The following ZNF23 variants were observed in gnomAD, a reference collection of about 807,000 sequenced individuals.
ZNF23 encodes zinc finger protein 23, also known as kruppel-like zinc finger factor X31.
In ZNF23, 48 loss-of-function variants were observed where a neutral mutation model predicts 56.2. The observed-to-expected ratio is 0.85, with a 90% confidence interval of 0.68 to 1.09. ZNF23 has a LOEUF of 1.09. Among genes scored for constraint, ZNF23 ranks in the 50% least tolerant of loss-of-function variants. The pLI, the probability that ZNF23 is intolerant of heterozygous loss-of-function variation, is 0.00. For missense variants in ZNF23, 805 were observed against 811.4 expected (o/e 0.99, Z 0.10); for synonymous variants, 266 against 283.3 (o/e 0.94, Z 0.61).
intron 1 of ZNF23, among the ~76,000 whole-genome samples, chr16:71,458,652 CAAG>C (rs769527369): frequency 1.8e-4 from 27 of 152,158 alleles, no homozygotes; most frequent in Non-Finnish European, 3.2e-4. Flanking sequence ...GATGCCTTTA[CAAG>C]AAGAAGGAGA....
chr16:71,459,978 G>A (rs1032819283), intron 1 of ZNF23, among the ~76,000 whole-genome samples: 4 of 152,244 alleles, frequency 2.6e-5, no homozygotes, highest in Admixed American at 1.3e-4. Flanking sequence ...TAGCTACCCC[G>A]CTCAGCTAGT....
At chr16:71,452,516 T>C (rs1028379951) in intron 4 of ZNF23, 5 of 152,160 alleles carry the variant, frequency 3.3e-5, no homozygotes, top group African/African-American at 1.2e-4. Flanking sequence ...TTCATAGAAA[T>C]GCAGACTCCA....
chr16:71,461,677 C>T (rs2043462936), intron 1 of ZNF23: 1 of 152,198 alleles, frequency 6.6e-6, no homozygotes, highest in Non-Finnish European at 1.5e-5. Flanking sequence ...ACTGACACTG[C>T]TCCAGGAGAC....
At chr16:71,458,717 C>CAACG (rs1461185745) in intron 1 of ZNF23, among the ~76,000 whole-genome samples, 1 of 152,324 alleles carries the variant, frequency 6.6e-6, no homozygotes, top group Middle Eastern at 3.4e-3. Context: ...TGTGAGGACA[C>CAACG]AACGAGAGGG....
rs1415879520 is a variant in ZNF23, at chr16:71,447,687, G to A, written c.*406C>T. 6.4e-6 allele frequency: 1 copy of A among 155,168 alleles called. No homozygotes were observed. Among genetic ancestry groups the A allele is most frequent in the Non-Finnish European group, 1.4e-5 (1 of 70,280 alleles). The allele number at this position is 155,168 out of a possible 1,614,324, so 9.6% of individuals were successfully genotyped here. ...AAATTAAACAAATAAATTAATGTAG[G>A]TAGAGTATCTTTAGTACGGGTTTTC... On this transcript the variant is annotated 3_prime_UTR_variant, in exon 5 of 5. Coordinates refer to ENST00000647773, the MANE Select transcript of ZNF23 (RefSeq NM_001381984.1).
chr16:71,459,160 C>T (rs932327924), intron 1 of ZNF23, among the ~76,000 whole-genome samples: 1 of 152,242 alleles, frequency 6.6e-6, no homozygotes, highest in Non-Finnish European at 1.5e-5. Flanking sequence ...ATGCCTGGTT[C>T]CTGCCCTGGG....
chr16:71,455,769 C>T (rs540844584), intron 2 of ZNF23, among the ~76,000 whole-genome samples: 4 of 152,272 alleles, frequency 2.6e-5, no homozygotes, highest in South Asian at 2.1e-4. Flanking sequence ...AAGTGGTCAC[C>T]GTGCTTTTGA....
intron 1 of ZNF23, among the ~76,000 whole-genome samples, chr16:71,460,193 A>G (rs1291988599): frequency 1.3e-5 from 2 of 152,240 alleles, no homozygotes; most frequent in Non-Finnish European, 2.9e-5. Flanking sequence ...GGGGCATCAC[A>G]GGTCTCTAAA....
chr16:71,451,743 A>C (rs1460502383), intron 4 of ZNF23: 1 of 152,230 alleles, frequency 6.6e-6, no homozygotes, highest in Non-Finnish European at 1.5e-5. Context: ...AAACTGACTA[A>C]GACATCTATA....
At chr16:71,450,575 C>A in intron 4 of ZNF23, 2 of 331,846 alleles carry the variant, frequency 6.0e-6, no homozygotes, top group Non-Finnish European at 6.1e-6. Context: ...AAAAATTAGC[C>A]GGGTGTGGTG....
intron 2 of ZNF23, chr16:71,456,150 A>C (rs1014623338): frequency 2.3e-6 from 1 of 439,344 alleles, no homozygotes; most frequent in Non-Finnish European, 4.6e-6. Context: ...TTTGGTTTGC[A>C]GGTTTATGTT....
chr16:71,455,908 T>C (rs563590211), intron 2 of ZNF23, among the ~76,000 whole-genome samples: 1 of 152,356 alleles, frequency 6.6e-6, no homozygotes, highest in East Asian at 1.9e-4. Context: ...CAAGTTACTC[T>C]ACTCCCCTTT....
chr16:71,450,685 C>T, intron 4 of ZNF23: 1 of 434,900 alleles, frequency 2.3e-6, no homozygotes, highest in Non-Finnish European at 4.6e-6. Flanking sequence ...TGCCACTGCA[C>T]TCCAGTTTGG....
intron 1 of ZNF23, among the ~76,000 whole-genome samples, chr16:71,458,720 C>T (rs1377905134): frequency 3.9e-5 from 6 of 152,176 alleles, no homozygotes; most frequent in East Asian, 1.9e-4. Flanking sequence ...GAGGACACAA[C>T]GAGAGGGCTA....
chr16:71,448,123 A>T lies in ZNF23; in HGVS notation c.2031T>A (p.His677Gln). The T allele has an allele frequency of 6.2e-7, 1 of 1,612,256 alleles. No individual in the cohort carries two copies. Among genetic ancestry groups the T allele is most frequent in the Non-Finnish European group, 8.5e-7 (1 of 1,179,298 alleles). Reference sequence around the variant, plus strand: ...ATTTTCCTTCACTATGGACACTCTGATGCTGACTGAGCTGGAAGCTAAACC... The same window carrying T: ...ATTTTCCTTCACTATGGACACTCTGTTGCTGACTGAGCTGGAAGCTAAACC... ...AFRFSFQLSQ[H>Q]QSVHSEGKS The change falls in exon 5 of 5, where the codon CAT becomes CAA. Residue 677 changes from histidine (H) to glutamine (Q), a missense_variant. By Grantham distance (24) the His-to-Gln change is conservative (BLOSUM62 0). Coordinates refer to ENST00000647773, the MANE Select transcript of ZNF23 (RefSeq NM_001381984.1).
rs1567559049 is a variant in ZNF23, at chr16:71,448,134, G to A, written c.2020C>T (p.Leu674Phe). 7 of 1,613,096 alleles carry A rather than the reference G, an allele frequency of 4.3e-6. No homozygotes were observed. The East Asian group carries it at 1.3e-4, about 31-fold the overall frequency. ...CTATGGACACTCTGATGCTGACTGA[G>A]CTGGAAGCTAAACCTGAATGCTTTC... ...CGKAFRFSFQ[L>F]SQHQSVHSEG... is the part of the protein sequence containing the mutation. The change falls in exon 5 of 5, where the codon CTC (leucine) becomes TTC (phenylalanine). Residue 674 changes from leucine to phenylalanine, a missense_variant. By Grantham distance (22) the Leu-to-Phe change is conservative. Transcript: ENST00000647773.
intron 1 of ZNF23, among the ~76,000 whole-genome samples, chr16:71,457,117 TAAAA>T: frequency 6.6e-6 from 1 of 151,984 alleles, no homozygotes; most frequent in South Asian, 2.1e-4. Context: ...AAATTAAAAA[TAAAA>T]AGAAGAAGAA....
In ZNF23 at chr16:71,449,543, A is replaced by T. The variant is rs1596994390; in HGVS notation, c.611T>A (p.Ile204Asn). 2 of 1,614,098 alleles carry T rather than the reference A, an allele frequency of 1.2e-6. No homozygotes were observed. The highest frequency in any genetic ancestry group is 8.5e-7 in the Non-Finnish European group (1 of 1,180,032). The change falls in exon 5 of 5, where the codon ATT becomes AAT. Residue 204 changes from isoleucine to asparagine, a missense_variant. By Grantham distance (149) the Ile-to-Asn change is moderately radical. Coordinates refer to ENST00000647773, the MANE Select transcript of ZNF23 (RefSeq NM_001381984.1). ...TTTGAAAGGTCTTTCCTCAGAATTA[A>T]TTATTTCATGCTTCACGAGTTTTGT... ...FDTKLVKHEI[I>N]NSEERPFKCE...
chr16:71,456,893 C>T, intron 1 of ZNF23, 65 bp from the exon 2 acceptor site: 1 of 651,378 alleles, frequency 1.5e-6, no homozygotes, highest in Non-Finnish European at 1.9e-6. Context: ...AACATAGCCC[C>T]TCACAGAAAA....
Sources: gnomAD v4.1 joint callset for allele counts (sites outside exome capture counted in the v4.1 genomes callset) on GRCh38, gnomAD v4.1.1 for gene constraint, MANE v1.5 for transcripts, NCBI Gene and HGNC (gene_info 2026-07-23, HGNC 2026-07-21) for gene names.